GADD45GIP1: variants seen among roughly 807,000 people sequenced by gnomAD.
The protein encoded by GADD45GIP1 is large ribosomal subunit protein mL64.
A neutral mutation model predicts 22.1 loss-of-function variants in GADD45GIP1; 17 were observed. The observed-to-expected ratio is 0.77, with a 90% confidence interval of 0.53 to 1.15. The LOEUF is 1.15. Ranked by LOEUF, GADD45GIP1 falls within the 50% of genes most tolerant of loss-of-function variation. The pLI is 0.00. For synonymous variants in GADD45GIP1, 135 were observed against 138.4 expected, an observed-to-expected ratio of 0.98 and a Z score of 0.17; for missense variants, 294 against 314.0, an observed-to-expected ratio of 0.94 and a Z score of 0.48.
chr19:12,954,147 G>C lies in GADD45GIP1; in HGVS notation c.*61C>G. 7.1e-7 allele frequency: 1 copy of C among 1,407,732 alleles called. No homozygotes were observed. The highest frequency in any genetic ancestry group is 2.3e-5 in the East Asian group (1 of 43,754). The allele number at this position is 1,407,732 out of a possible 1,614,324, so 87.2% of individuals were successfully genotyped here. A position where few individuals can be genotyped will look rare whatever the true frequency, so the allele number is the denominator to read the frequency against. On this transcript the variant is annotated 3_prime_UTR_variant, in exon 2 of 2. Coordinates refer to ENST00000316939, the MANE Select transcript of GADD45GIP1 (RefSeq NM_052850.4). ...GGACCCAGAGAGGCACACCTTGAGA[G>C]GACGCAGATCTCTTCAGGGGTACTG... is the stretch of plus-strand genomic sequence containing the variant.
chr19:12,956,411 T>C (rs985319091), intron 1 of GADD45GIP1, among the ~76,000 whole-genome samples: 5 of 152,156 alleles, frequency 3.3e-5, no homozygotes, highest in Non-Finnish European at 5.9e-5. Flanking sequence ...CCCGGCACTT[T>C]GGGAGGCTGA....
At chr19:12,956,612 C>G (rs1568457000) in intron 1 of GADD45GIP1, among the ~76,000 whole-genome samples, 1 of 152,156 alleles carries the variant, frequency 6.6e-6, no homozygotes, top group Non-Finnish European at 1.5e-5. Flanking sequence ...CAAGATCTTG[C>G]GACTGCACTC....
chr19:12,957,000 G>C lies in GADD45GIP1; in HGVS notation c.213C>G (p.Val71=). ...CCGGCGACGGCCATAACGAACCGGG[G>C]ACCACCCCGGAGGCGGCGCCGTAAC... is the stretch of plus-strand genomic sequence containing the variant. ...FARYGAASGV[V]PGSLWPSPEQ... The change falls in exon 1 of 2, where the codon GTC becomes GTG. Residue 71 remains valine, a synonymous_variant. Coordinates refer to ENST00000316939, the MANE Select transcript of GADD45GIP1 (RefSeq NM_052850.4). The C allele has an allele frequency of 6.3e-7, 1 of 1,598,760 alleles. No individual in the cohort carries two copies. The highest frequency in any genetic ancestry group is 8.5e-7 in the Non-Finnish European group (1 of 1,179,482).
intron 1 of GADD45GIP1, among the ~76,000 whole-genome samples, chr19:12,955,190 G>A (rs1425761312): frequency 1.3e-5 from 2 of 152,152 alleles, no homozygotes; most frequent in Non-Finnish European, 2.9e-5. Context: ...GTGAGAACAC[G>A]TTGTATTTGG....
intron 1 of GADD45GIP1, among the ~76,000 whole-genome samples, chr19:12,956,007 T>A (rs1429821162): frequency 6.6e-6 from 1 of 152,186 alleles, no homozygotes; most frequent in African/African-American, 2.4e-5. Context: ...CTTTAAGGCA[T>A]ATCGTATCTC....
intron 1 of GADD45GIP1, among the ~76,000 whole-genome samples, chr19:12,956,617 G>A (rs1370198841): frequency 6.6e-6 from 1 of 152,230 alleles, no homozygotes; most frequent in East Asian, 1.9e-4. Flanking sequence ...TCTTGCGACT[G>A]CACTCCAGCC....
In GADD45GIP1 at chr19:12,954,355, G is replaced by T; in HGVS notation, c.522C>A (p.Arg174=). 1 of 1,614,168 alleles carries T rather than the reference G, an allele frequency of 6.2e-7. No homozygotes were observed. Residue 174 remains arginine, a synonymous_variant, in exon 2 of 2, where the codon CGC becomes CGA. Transcript: ENST00000316939. ...CTAGGTCCTGGAGCAGCTCCTGGAA[G>T]CGGGCACTCCTTGGGTCCACCTGGT... ...LGYQVDPRSA[R]FQELLQDLEK...
rs1267341605 is a variant in GADD45GIP1, at chr19:12,953,817, T to C, written c.*391A>G. 2 of 177,424 alleles carry C rather than the reference T, an allele frequency of 1.1e-5. No individual in the cohort carries two copies. The highest frequency in any genetic ancestry group is 2.4e-5 in the Non-Finnish European group (2 of 84,070). The allele number at this position is 177,424 out of a possible 1,614,324, so 11.0% of individuals were successfully genotyped here. A position where few individuals can be genotyped will look rare whatever the true frequency, so the allele number is the denominator to read the frequency against. On this transcript the variant is annotated 3_prime_UTR_variant, in exon 2 of 2. Transcript: ENST00000316939. ...CCCCCAGTGTGTCATTTCCAGGCAG[T>C]GGACCCCAGCCCAACGTTACAAGGA... is the stretch of plus-strand genomic sequence containing the variant.
chr19:12,956,927 G>C lies in GADD45GIP1; in HGVS notation c.286C>G (p.Leu96Val). 3.8e-6 allele frequency: 6 copies of C among 1,599,740 alleles called. No individual in the cohort carries two copies. The highest frequency in any genetic ancestry group is 1.1e-5 in the South Asian group (1 of 91,032). The change falls in exon 1 of 2, where the codon CTG (leucine) becomes GTG (valine). Residue 96 changes from leucine (L) to valine (V), a missense_variant. Coordinates refer to ENST00000316939, the MANE Select transcript of GADD45GIP1 (RefSeq NM_052850.4). ...EAEEREWYPS[L>V]ATMQESLRVK... ...CGCAGCGACTCCTGCATGGTCGCCA[G>C]GCTCGGGTACCATTCGCGTTCTTCG...
chr19:12,954,581 A>G (rs1002853026), intron 1 of GADD45GIP1, 55 bp from the exon 2 acceptor site: 1 of 1,465,798 alleles, frequency 6.8e-7, no homozygotes, highest in African/African-American at 1.4e-5. Context: ...GGCAGAGCCC[A>G]CCCACCCATA....
rs778491961 is a variant in GADD45GIP1 at position 12,957,073 on chromosome 19, G to A, written c.140C>T (p.Thr47Ile). The A allele has an allele frequency of 1.3e-6, 2 of 1,553,518 alleles. No individual in the cohort carries two copies. The highest frequency in any genetic ancestry group is 1.2e-5 in the South Asian group (1 of 85,754). Residue 47 changes from threonine to isoleucine, a missense_variant, in exon 1 of 2, where the codon ACC becomes ATC. Physicochemically the swap from Thr to Ile is moderately conservative, Grantham distance 89. Transcript: ENST00000316939. Reference sequence around the variant, plus strand: ...GCGCGGTCCCAGCTGCCACCGCGGGGTCAGGAGGTCCTCGGGGTCTGGCCA... The same window carrying A: ...GCGCGGTCCCAGCTGCCACCGCGGGATCAGGAGGTCCTCGGGGTCTGGCCA... Reference protein sequence around the residue: ...PRWPDPEDLLTPRWQLGPRYA... With the variant: ...PRWPDPEDLLIPRWQLGPRYA...
Position 12,957,220 on chromosome 19 carries a change from G to A in GADD45GIP1, c.-8C>T. On this transcript the variant is annotated 5_prime_UTR_variant, in exon 1 of 2. Transcript: ENST00000316939. ...TCGCACGGACGCCGCCATCTTGGCT[G>A]TGCGGGGTCCTCACAGGCCCGCCGG... The A allele has an allele frequency of 7.2e-7, 1 of 1,386,132 alleles. No individual in the cohort carries two copies. The highest frequency in any genetic ancestry group is 1.6e-5 in the South Asian group (1 of 60,910). The allele number at this position is 1,386,132 out of a possible 1,614,324, so 85.9% of individuals were successfully genotyped here.
rs1436508187 is a variant in GADD45GIP1 at position 12,957,062 on chromosome 19, G to A, written c.151C>T (p.Gln51Ter). 2 of 1,568,976 alleles carry A rather than the reference G, an allele frequency of 1.3e-6. No homozygotes were observed. The highest frequency in any genetic ancestry group is 1.7e-6 in the Non-Finnish European group (2 of 1,166,382). The change falls in exon 1 of 2, where the codon CAG becomes TAG. Residue 51 changes from glutamine (Q) to a stop codon, truncating the protein, a stop_gained. Transcript: ENST00000316939. LOFTEE classifies it high-confidence loss of function. ...DPEDLLTPRW[Q>*]LGPRYAAKQF... ...TTAGCCGCGTAGCGCGGTCCCAGCT[G>A]CCACCGCGGGGTCAGGAGGTCCTCG...
At chr19:12,955,372 C>G (rs753608107) in intron 1 of GADD45GIP1, among the ~76,000 whole-genome samples, 25 of 152,166 alleles carry the variant, frequency 1.6e-4, no homozygotes, top group Admixed American at 7.9e-4. Context: ...AAACAGGAGT[C>G]CCTGCTCCAT....
chr19:12,953,893 CT>C lies in GADD45GIP1; in HGVS notation c.*314del. 1 of 318,864 alleles carries C rather than the reference CT, an allele frequency of 3.1e-6. No homozygotes were observed. The highest frequency in any genetic ancestry group is 5.8e-6 in the Non-Finnish European group (1 of 171,238). The allele number at this position is 318,864 out of a possible 1,614,324, so 19.8% of individuals were successfully genotyped here. A position where few individuals can be genotyped will look rare whatever the true frequency, so the allele number is the denominator to read the frequency against. ...ATCACCACAGTCTGTTTTGGCTATA[CT>C]TCCCCCCCCACCAGCCTTGTAATTG... On this transcript the variant is annotated 3_prime_UTR_variant, in exon 2 of 2. Transcript: ENST00000316939.
Position 12,954,187 on chromosome 19 carries a change from T to G in GADD45GIP1, c.*21A>C, listed in dbSNP as rs1568456302. On this transcript the variant is annotated 3_prime_UTR_variant, in exon 2 of 2. Transcript: ENST00000316939. ...CAGGGGTACTGCCAGGTAGCAGGCT[T>G]TATTGGGAAGGGACAAAGCCTCAGG... The G allele has an allele frequency of 6.2e-7, 1 of 1,600,374 alleles. No homozygotes were observed. Among genetic ancestry groups the G allele is most frequent in the Non-Finnish European group, 8.5e-7 (1 of 1,172,100 alleles).
At chr19:12,954,646 T>A (rs1971901641) in intron 1 of GADD45GIP1, 120 bp from the exon 2 acceptor site, 1 of 719,212 alleles carries the variant, frequency 1.4e-6, no homozygotes, top group Non-Finnish European at 2.3e-6. Flanking sequence ...CCCAGTAGAT[T>A]AACTGTCAGG....
rs1342250035 is a variant in GADD45GIP1, at chr19:12,954,236, G to A, written c.641C>T (p.Pro214Leu). Reference sequence around the variant, plus strand: ...GGAGCTGGGTGCCCCAGAGGCTGCTGGGTCTTGAGCCACAGCTGCAGCCAA... The same window carrying A: ...GGAGCTGGGTGCCCCAGAGGCTGCTAGGTCTTGAGCCACAGCTGCAGCCAA... Reference protein sequence around the residue: ...AALAAAVAQDPAASGAPSS With the variant: ...AALAAAVAQDLAASGAPSS The change falls in exon 2 of 2, where the codon CCA becomes CTA. Residue 214 changes from proline to leucine, a missense_variant. Transcript: ENST00000316939. 10 of 1,613,962 alleles carry A rather than the reference G, an allele frequency of 6.2e-6. No individual in the cohort carries two copies. Among genetic ancestry groups the A allele is most frequent in the African/African-American group, 1.3e-5 (1 of 75,000 alleles).
intron 1 of GADD45GIP1, among the ~76,000 whole-genome samples, chr19:12,955,244 C>T (rs1599673689): frequency 6.6e-6 from 1 of 152,176 alleles, no homozygotes; most frequent in South Asian, 2.1e-4. Context: ...TAGCCTCCAG[C>T]TCCCGTCGTG....
Sources: allele counts gnomAD v4.1 joint callset (sites outside exome capture counted in the v4.1 genomes callset), GRCh38; gene constraint gnomAD v4.1.1; transcripts MANE v1.5; gene names NCBI Gene and HGNC (gene_info 2026-07-23, HGNC 2026-07-21).